Variants in ACTL8 observed in about 807,000 individuals in gnomAD.
The protein encoded by ACTL8 is actin-like protein 8.
In ACTL8, 3 loss-of-function variants were observed where a neutral mutation model predicts 9.3. The ratio of observed to expected loss-of-function variants is 0.32; its 90% CI spans 0.15 to 0.83. The LOEUF is 0.83. ACTL8 is among the 40% of genes least tolerant of loss of function. ACTL8 has a pLI of 0.57. For synonymous variants in ACTL8, 224 were observed against 205.9 expected, an observed-to-expected ratio of 1.09 and a Z score of -0.75; for missense variants, 381 against 492.2, an observed-to-expected ratio of 0.77 and a Z score of 2.14.
At chr1:17,783,560 C>A (rs1373229190) in intron 1 of ACTL8, among the ~76,000 whole-genome samples, 1 of 152,190 alleles carries the variant, frequency 6.6e-6, no homozygotes, top group African/African-American at 2.4e-5. Context: ...AAAGGAGTTC[C>A]ATTCCTGCTG....
intron 1 of ACTL8, among the ~76,000 whole-genome samples, chr1:17,788,824 G>A (rs995186131): frequency 3.3e-5 from 5 of 152,238 alleles, no homozygotes; most frequent in African/African-American, 2.4e-5. Context: ...GGATGTTGGG[G>A]AGAGGAGAGT....
chr1:17,801,856 A>G (rs1243936517), intron 1 of ACTL8, among the ~76,000 whole-genome samples: 1 of 152,238 alleles, frequency 6.6e-6, no homozygotes, highest in African/African-American at 2.4e-5. Context: ...CAATGTTAGC[A>G]TTCGGTGTCC....
chr1:17,822,928 G>T, intron 1 of ACTL8, 57 bp from the exon 2 acceptor site: 1 of 1,215,362 alleles, frequency 8.2e-7, no homozygotes, highest in Non-Finnish European at 1.2e-6. Flanking sequence ...AGAGGGGGAA[G>T]CTGCTTATGG....
intron 1 of ACTL8, among the ~76,000 whole-genome samples, chr1:17,807,842 G>T (rs779026832): frequency 1.1e-4 from 17 of 152,078 alleles, no homozygotes; most frequent in Middle Eastern, 3.4e-3. Context: ...TGGGGCCTGT[G>T]GGGGGTGGGG....
intron 1 of ACTL8, among the ~76,000 whole-genome samples, chr1:17,799,356 A>G (rs2066303870): frequency 6.6e-6 from 1 of 152,104 alleles, no homozygotes; most frequent in Non-Finnish European, 1.5e-5. Flanking sequence ...TGTGTTGCTG[A>G]TCAATGTATG....
intron 1 of ACTL8, among the ~76,000 whole-genome samples, chr1:17,815,238 A>G (rs2066419004): frequency 6.6e-6 from 1 of 152,194 alleles, no homozygotes. Flanking sequence ...ATAATTTTTT[A>G]AATATTTACC....
chr1:17,800,355 G>A (rs938472165), intron 1 of ACTL8, among the ~76,000 whole-genome samples: 1 of 152,150 alleles, frequency 6.6e-6, no homozygotes, highest in Non-Finnish European at 1.5e-5. Context: ...GTTATTGCTA[G>A]GGCAAAAGAA....
intron 1 of ACTL8, among the ~76,000 whole-genome samples, chr1:17,762,668 G>A (rs1180637200): frequency 6.6e-6 from 1 of 152,140 alleles, no homozygotes; most frequent in Non-Finnish European, 1.5e-5. Context: ...CTGCAGGTGG[G>A]AGCCCAGGGG....
intron 1 of ACTL8, among the ~76,000 whole-genome samples, chr1:17,793,086 T>C (rs866019758): frequency 6.6e-6 from 1 of 152,238 alleles, no homozygotes; most frequent in Non-Finnish European, 1.5e-5. Context: ...CTTCTGACTT[T>C]CTTGCACTGT....
At chr1:17,772,777 G>GAC (rs2066092913) in intron 1 of ACTL8, among the ~76,000 whole-genome samples, 1 of 152,146 alleles carries the variant, frequency 6.6e-6, no homozygotes, top group Non-Finnish European at 1.5e-5. Context: ...GAGCTACAGG[G>GAC]ACCCAGAGGG....
At chr1:17,812,781 C>G (rs1400892291) in intron 1 of ACTL8, among the ~76,000 whole-genome samples, 1 of 152,084 alleles carries the variant, frequency 6.6e-6, no homozygotes, top group East Asian at 1.9e-4. Context: ...GCCTGAGCCA[C>G]CACACCTGGC....
At chr1:17,776,862 A>G (rs1371188247) in intron 1 of ACTL8, among the ~76,000 whole-genome samples, 4 of 151,522 alleles carry the variant, frequency 2.6e-5, no homozygotes, top group Non-Finnish European at 4.4e-5. Context: ...TGCAGTGGTA[A>G]GATCATGGCT....
In ACTL8 at chr1:17,762,865, G is replaced by A. The variant is rs879435896; in HGVS notation, c.-25+7361G>A. Among the ~76,000 whole-genome samples, 6 of 152,112 alleles carry A rather than the reference G, an allele frequency of 3.9e-5. No homozygotes were observed. In the South Asian group the frequency reaches 1.2e-3, roughly 32 times the overall value. ...TGGCGCTTTCTGCGTGGCCTCCCGG[G>A]GACTCAGTTTTCCTCTGCGTCCATG... On this transcript the variant is annotated intron_variant, in intron 1 of 2. Transcript: ENST00000375406.
chr1:17,794,365 G>A (rs1009921102), intron 1 of ACTL8, among the ~76,000 whole-genome samples: 2 of 152,142 alleles, frequency 1.3e-5, no homozygotes, highest in Admixed American at 6.5e-5. Flanking sequence ...CTGGGTTTCT[G>A]GGGCGATTCA....
chr1:17,805,577 C>T (rs113655813), intron 1 of ACTL8, among the ~76,000 whole-genome samples: 19 of 152,014 alleles, frequency 1.2e-4, no homozygotes, highest in African/African-American at 4.3e-4. Context: ...GACAGGGTTT[C>T]ACCATATTGG....
chr1:17,816,870 C>T (rs1181863405), intron 1 of ACTL8, among the ~76,000 whole-genome samples: 1 of 152,158 alleles, frequency 6.6e-6, no homozygotes, highest in Non-Finnish European at 1.5e-5. Flanking sequence ...TCCAGAGAGA[C>T]AGGATTTTGC....
chr1:17,818,787 A>G (rs2053618260), intron 1 of ACTL8, among the ~76,000 whole-genome samples: 1 of 152,110 alleles, frequency 6.6e-6, no homozygotes, highest in African/African-American at 2.4e-5. Flanking sequence ...TCTCCGCTGT[A>G]CTGATCTTCC....
chr1:17,780,645 G>A (rs1168429781), intron 1 of ACTL8, among the ~76,000 whole-genome samples: 1 of 151,868 alleles, frequency 6.6e-6, no homozygotes, highest in East Asian at 1.9e-4. Flanking sequence ...AGGGGAGGGT[G>A]TGAGCCGATG....
In ACTL8 at chr1:17,825,672, G is replaced by A. The variant is rs2053709045; in HGVS notation, c.349-95G>A. The A allele has an allele frequency of 2.0e-6, 3 of 1,482,946 alleles. No individual in the cohort carries two copies. The South Asian group carries it at 4.0e-5, about 20-fold the overall frequency. The allele number at this position is 1,482,946 out of a possible 1,614,324, so 91.9% of individuals were successfully genotyped here. A position where few individuals can be genotyped will look rare whatever the true frequency, so the allele number is the denominator to read the frequency against. ...GGCGCAGCATCCTGGGGCAGCCCGA[G>A]AGTCCCCCCGAGGATGGGGCTCTGT... On this transcript the variant is annotated intron_variant, in intron 2 of 2. Coordinates refer to ENST00000375406, the MANE Select transcript of ACTL8 (RefSeq NM_030812.3).
Sources: gnomAD v4.1 joint callset for allele counts (sites outside exome capture counted in the v4.1 genomes callset) on GRCh38, gnomAD v4.1.1 for gene constraint, MANE v1.5 for transcripts, NCBI Gene and HGNC (gene_info 2026-07-23, HGNC 2026-07-21) for gene names.